The following KDR variants were observed in gnomAD, a reference collection of about 807,000 sequenced individuals.
KDR encodes the protein kinase insert domain receptor.
A neutral mutation model predicts 160.9 loss-of-function variants in KDR; 43 were observed. The ratio of observed to expected loss-of-function variants is 0.27; its 90% CI spans 0.21 to 0.34. The LOEUF (loss-of-function observed/expected upper bound fraction) is 0.34, where lower values mean the gene tolerates loss of function less well. Ranked by LOEUF, KDR falls within the 10% of genes least tolerant of loss-of-function variation. The pLI is 1.00. For missense variants in KDR, 1,469 were observed against 1,666.4 expected (o/e 0.88, Z 2.06); for synonymous variants, 617 against 600.1 (o/e 1.03, Z -0.41).
intron 2 of KDR, among the ~76,000 whole-genome samples, chr4:55,120,021 T>C (rs1720828074): frequency 6.6e-6 from 1 of 152,198 alleles, no homozygotes; most frequent in Admixed American, 6.5e-5. Context: ...CTTGGGGATT[T>C]CAAATAACCT....
rs766012290 is a variant in KDR at position 55,101,919 on chromosome 4, C to T, written c.2244G>A (p.Val748=). ...GACCTTCTATTATGAAAAATGCCTCCACTTTTGCACAGCCAAGAACACTGC... is the reference window on the plus strand; with the variant it reads ...GACCTTCTATTATGAAAAATGCCTCTACTTTTGCACAGCCAAGAACACTGC... The part of the protein sequence containing the change: ...QACSVLGCAK[V]EAFFIIEGAQ... Residue 748 remains valine (V), a synonymous_variant, in exon 15 of 30, where the codon GTG becomes GTA. Transcript: ENST00000263923. The T allele has an allele frequency of 5.0e-6, 8 of 1,613,414 alleles. No homozygotes were observed. In the Admixed American group the frequency reaches 6.7e-5, roughly 13 times the overall value.
intron 22 of KDR, among the ~76,000 whole-genome samples, chr4:55,091,950 T>C (rs1326073469): frequency 6.6e-6 from 1 of 152,220 alleles, no homozygotes; most frequent in Non-Finnish European, 1.5e-5. Context: ...TTAGCTCTTT[T>C]AATCGCTCTC....
chr4:55,094,777 G>A (rs750665136), intron 21 of KDR, 25 bp downstream of exon 21: 2 of 1,608,546 alleles, frequency 1.2e-6, no homozygotes, highest in Non-Finnish European at 1.7e-6. Context: ...GCATGCCATA[G>A]CATGCAGGAA....
At chr4:55,092,227 C>T in intron 22 of KDR, 1 of 286,238 alleles carries the variant, frequency 3.5e-6, no homozygotes, top group Non-Finnish European at 6.9e-6. Flanking sequence ...CCCTTTCTTG[C>T]TTTATTTCCC....
At chr4:55,117,640 T>C (rs1720767496) in intron 3 of KDR, among the ~76,000 whole-genome samples, 1 of 152,320 alleles carries the variant, frequency 6.6e-6, no homozygotes, top group East Asian at 1.9e-4. Context: ...GCTGATGAAA[T>C]TCTTGCCCTG....
chr4:55,079,559 C>T lies in KDR; in HGVS notation c.*382G>A, dbSNP rs1047067787. The T allele has an allele frequency of 2.1e-5, 8 of 384,548 alleles. No individual in the cohort carries two copies. Among genetic ancestry groups the T allele is most frequent in the Admixed American group, 3.9e-5 (1 of 25,700 alleles). 23.8% of individuals were successfully genotyped at this position (384,548 alleles called of 1,614,324 possible). A position where few individuals can be genotyped will look rare whatever the true frequency, so the allele number is the denominator to read the frequency against. On this transcript the variant is annotated 3_prime_UTR_variant, in exon 30 of 30. Coordinates refer to ENST00000263923, the MANE Select transcript of KDR (RefSeq NM_002253.4). ...CCATCTTCAACACCTCGAACACTTA[C>T]ATTGCCTGGTTTATCTTCTAGTTTT...
At chr4:55,102,925 G>A (rs1578133954) in intron 13 of KDR, among the ~76,000 whole-genome samples, 1 of 152,064 alleles carries the variant, frequency 6.6e-6, no homozygotes, top group Admixed American at 6.5e-5. Context: ...CATTTATTTG[G>A]CAATTCTTAT....
Position 55,108,465 on chromosome 4 carries a change from C to T in KDR, c.1256-572G>A, listed in dbSNP as rs1302068896. On this transcript the variant is annotated intron_variant, in intron 9 of 29. Coordinates refer to ENST00000263923, the MANE Select transcript of KDR (RefSeq NM_002253.4). The stretch of plus-strand genomic sequence containing the variant: ...TTTGCATGAATTCATTCACTTAATC[C>T]TCACAACCACTATTACTGTCCACAG... Among the ~76,000 whole-genome samples, 7 of 152,088 alleles carry T rather than the reference C, an allele frequency of 4.6e-5. No homozygotes were observed. In the East Asian group the frequency reaches 1.3e-3, roughly 29 times the overall value.
intron 27 of KDR, among the ~76,000 whole-genome samples, chr4:55,085,780 G>C (rs1578126408): frequency 6.6e-6 from 1 of 152,236 alleles, no homozygotes; most frequent in African/African-American, 2.4e-5. Flanking sequence ...ATAGGAGCCA[G>C]GCCTGTGCTG....
At chr4:55,083,861 CAAGTT>C (rs1280808830) in intron 27 of KDR, among the ~76,000 whole-genome samples, 1 of 152,182 alleles carries the variant, frequency 6.6e-6, no homozygotes, top group Non-Finnish European at 1.5e-5. Context: ...GGAAACTCCA[CAAGTT>C]AAGAGGATAT....
chr4:55,102,465 C>G lies in KDR; in HGVS notation c.2031G>C (p.Thr677=), dbSNP rs368034364. The part of the protein sequence containing the change: ...PTITGNLENQ[T]TSIGESIEVS... ...CTTCGATGCTTTCCCCAATACTTGTCGTCTGATTCTCCAGGTTTCCTGTGA... is the reference window on the plus strand; with the variant it reads ...CTTCGATGCTTTCCCCAATACTTGTGGTCTGATTCTCCAGGTTTCCTGTGA... Residue 677 remains threonine (T), a synonymous_variant, in exon 14 of 30, where the codon ACG becomes ACC. Coordinates refer to ENST00000263923, the MANE Select transcript of KDR (RefSeq NM_002253.4). The G allele has an allele frequency of 6.2e-7, 1 of 1,613,764 alleles. No homozygotes were observed. The highest frequency in any genetic ancestry group is 8.5e-7 in the Non-Finnish European group (1 of 1,179,752).
chr4:55,107,702 T>C, intron 10 of KDR, 35 bp downstream of exon 10: 2 of 1,613,360 alleles, frequency 1.2e-6, no homozygotes, highest in Non-Finnish European at 1.7e-6. Context: ...AAATGCAAGA[T>C]GGCAGGAAAG....
intron 13 of KDR, among the ~76,000 whole-genome samples, chr4:55,103,364 T>C (rs1328854044): frequency 1.3e-5 from 2 of 152,238 alleles, no homozygotes; most frequent in Non-Finnish European, 2.9e-5. Flanking sequence ...AACAGCGTAC[T>C]ACATTGAAGT....
In KDR at chr4:55,098,788, G is replaced by T. The variant is rs139500968; in HGVS notation, c.2282C>A (p.Thr761Lys). The change falls in exon 16 of 30, where the codon ACG becomes AAG. Residue 761 changes from threonine (T) to lysine (K), a missense_variant. By Grantham distance (78) the Thr-to-Lys change is moderately conservative (BLOSUM62 -1). Coordinates refer to ENST00000263923, the MANE Select transcript of KDR (RefSeq NM_002253.4). ...FFIIEGAQEKTNLEIIILVGT... is the reference protein window; with the variant it reads ...FFIIEGAQEKKNLEIIILVGT... ...TACTAGAATAATGATTTCCAAGTTC[G>T]TCTTTTCCTGGGCACCTGGAAAGAC... is the stretch of plus-strand genomic sequence containing the variant. 9 of 1,612,010 alleles carry T rather than the reference G, an allele frequency of 5.6e-6. No individual in the cohort carries two copies. The East Asian group carries it at 2.0e-4, about 36-fold the overall frequency.
At chr4:55,111,975 C>A (rs1360865508) in intron 7 of KDR, among the ~76,000 whole-genome samples, 1 of 152,192 alleles carries the variant, frequency 6.6e-6, no homozygotes, top group Non-Finnish European at 1.5e-5. Context: ...TTTAAAATTT[C>A]ACTGTATTGA....
rs35603373 is a variant in KDR, at chr4:55,098,206, C to T, written c.2440G>A (p.Asp814Asn). 3.6e-5 allele frequency: 58 copies of T among 1,613,978 alleles called. No individual in the cohort carries two copies. In the East Asian group the frequency reaches 1.2e-3, roughly 33 times the overall value. The stretch of plus-strand genomic sequence containing the variant: ...TAAGGCAGTCGTTCACAATGTTCAT[C>T]CAATGGGAGTTCATCTGGATCCATG... ...IVMDPDELPL[D>N]EHCERLPYDA... Residue 814 changes from aspartate to asparagine, a missense_variant, in exon 17 of 30, where the codon GAT (aspartate) becomes AAT (asparagine). This residue lies in a region of KDR where 118 missense variants were observed against 110.8 expected (regional missense o/e 1.06). Coordinates refer to ENST00000263923, the MANE Select transcript of KDR (RefSeq NM_002253.4).
intron 7 of KDR, among the ~76,000 whole-genome samples, chr4:55,111,256 G>A (rs539651394): frequency 3.9e-5 from 6 of 152,054 alleles, no homozygotes; most frequent in Admixed American, 1.3e-4. Flanking sequence ...TCTGGGTTCC[G>A]GGTTGATATG....
intron 27 of KDR, 54 bp from the exon 28 acceptor site, chr4:55,082,689 G>A (rs1027068452): frequency 4.5e-5 from 59 of 1,315,264 alleles, no homozygotes; most frequent in Middle Eastern, 1.8e-4. Context: ...ACTGCAGATC[G>A]GCTACCTAAG....
At chr4:55,101,857 C>T in intron 15 of KDR, 40 bp downstream of exon 15, 1 of 1,536,284 alleles carries the variant, frequency 6.5e-7, no homozygotes, top group Non-Finnish European at 9.0e-7. Context: ...CATAGCATTC[C>T]ATGGTGTATA....
Sources: allele counts gnomAD v4.1 joint callset (sites outside exome capture counted in the v4.1 genomes callset), GRCh38; gene constraint gnomAD v4.1.1; regional missense constraint gnomAD v4.1.1; transcripts MANE v1.5; gene names NCBI Gene and HGNC (gene_info 2026-07-23, HGNC 2026-07-21).